ACAD10: variants seen among roughly 807,000 people sequenced by gnomAD.
ACAD10 encodes the protein acyl-CoA dehydrogenase family member 10.
A neutral mutation model predicts 116.8 loss-of-function variants in ACAD10; 112 were observed. The observed-to-expected ratio is 0.96, with a 90% CI of 0.82 to 1.12. The LOEUF is 1.12. Ranked by LOEUF, ACAD10 falls within the 50% of genes most tolerant of loss-of-function variation. The pLI, the probability that ACAD10 is intolerant of heterozygous loss-of-function variation, is 0.00. For synonymous variants in ACAD10, 486 were observed against 510.6 expected, an observed-to-expected ratio of 0.95 and a Z score of 0.65; for missense variants, 1,259 against 1,350.2, an observed-to-expected ratio of 0.93 and a Z score of 1.06.
Position 111,749,340 on chromosome 12 carries a change from G to T in ACAD10, c.2812G>T (p.Ala938Ser). The change falls in exon 18 of 21, where the codon GCC becomes TCC. Residue 938 changes from alanine (A) to serine (S), a missense_variant. By Grantham distance (99) the Ala-to-Ser change is moderately conservative (BLOSUM62 1). Transcript: ENST00000313698. The part of the protein sequence containing the change: ...FSERALALMK[A>S]RVKSRLAFGK... ...AGAGAGGGCCCTGGCACTCATGAAG[G>T]CCCGCGTGAGTGCTTTCCCCCGCAC... The T allele has an allele frequency of 6.2e-7, 1 of 1,611,942 alleles. No individual in the cohort carries two copies. The highest frequency in any genetic ancestry group is 1.1e-5 in the South Asian group (1 of 91,052).
intron 8 of ACAD10, 24 bp downstream of exon 8, chr12:111,721,763 T>C: frequency 3.8e-6 from 6 of 1,572,596 alleles, no homozygotes; most frequent in Non-Finnish European, 5.2e-6. Context: ...GTTTTTGCTA[T>C]TGCACTTTCA....
At chr12:111,755,794 G>A in intron 20 of ACAD10, 49 bp downstream of exon 20, 1 of 1,568,426 alleles carries the variant, frequency 6.4e-7, no homozygotes, top group Non-Finnish European at 8.8e-7. Flanking sequence ...AATACTAGAT[G>A]CCAAACTCTC....
intron 5 of ACAD10, among the ~76,000 whole-genome samples, chr12:111,711,755 ACC>A (rs1260707743): frequency 3.5e-5 from 5 of 144,596 alleles, no homozygotes; most frequent in Middle Eastern, 4.2e-3. Flanking sequence ...CTCGTGATCC[ACC>A]CGCCTTGGCT....
intron 8 of ACAD10, among the ~76,000 whole-genome samples, chr12:111,722,999 G>C (rs1460806731): frequency 4.6e-4 from 61 of 132,858 alleles, no homozygotes; most frequent in Middle Eastern, 4.8e-3. Context: ...GACGGGGCGG[G>C]TGGCCGGGCG....
At chr12:111,698,631 C>T (rs1888258903) in intron 2 of ACAD10, among the ~76,000 whole-genome samples, 1 of 151,866 alleles carries the variant, frequency 6.6e-6, no homozygotes, top group Admixed American at 6.6e-5. Context: ...GCATGCACCA[C>T]CACCCCTGGC....
At chr12:111,723,899 C>T (rs1477101149) in intron 8 of ACAD10, among the ~76,000 whole-genome samples, 16 of 147,522 alleles carry the variant, frequency 1.1e-4, no homozygotes, top group Non-Finnish European at 1.5e-5. Context: ...CGCTCCTCAC[C>T]TCCCAGACGG....
chr12:111,747,665 T>A, intron 16 of ACAD10: 1 of 1,236,130 alleles, frequency 8.1e-7, no homozygotes, highest in Non-Finnish European at 1.0e-6. Context: ...CTCCACTTCC[T>A]GCTGTTCATT....
At chr12:111,693,125 C>T (rs1450066190) in intron 2 of ACAD10, 1 of 541,448 alleles carries the variant, frequency 1.8e-6, no homozygotes, top group African/African-American at 1.9e-5. Flanking sequence ...ATGGTAGTGC[C>T]TTCCTCCTTG....
At chr12:111,714,278 A>G (rs1243227645) in intron 6 of ACAD10, among the ~76,000 whole-genome samples, 1 of 151,744 alleles carries the variant, frequency 6.6e-6, no homozygotes, top group Non-Finnish European at 1.5e-5. Context: ...TGATTTTAAA[A>G]CGCAACAAAT....
intron 1 of ACAD10, among the ~76,000 whole-genome samples, chr12:111,691,585 A>G (rs1487303046): frequency 6.6e-6 from 1 of 151,474 alleles, no homozygotes; most frequent in Non-Finnish European, 1.5e-5. Flanking sequence ...TGCTGCAGAA[A>G]GGAATGAGAT....
intron 16 of ACAD10, chr12:111,747,717 C>T (rs961860702): frequency 8.7e-6 from 10 of 1,146,316 alleles, no homozygotes; most frequent in Admixed American, 4.1e-5. Flanking sequence ...TTCCTGGCTC[C>T]TCGATCAGGT....
At chr12:111,723,577 G>A (rs1714228626) in intron 8 of ACAD10, among the ~76,000 whole-genome samples, 1 of 140,752 alleles carries the variant, frequency 7.1e-6, no homozygotes, top group Admixed American at 6.8e-5. Context: ...CGGACGGGGT[G>A]GCTGGCCGGG....
Position 111,686,055 on chromosome 12 carries a change from T to G in ACAD10, c.-198T>G, listed in dbSNP as rs1453520246. The G allele has an allele frequency of 4.0e-6, 1 of 252,766 alleles. No individual in the cohort carries two copies. The highest frequency in any genetic ancestry group is 7.5e-6 in the Non-Finnish European group (1 of 132,452). 15.7% of individuals were successfully genotyped at this position (252,766 alleles called of 1,614,324 possible). A position where few individuals can be genotyped will look rare whatever the true frequency, so the allele number is the denominator to read the frequency against. ...GGGCGGCGTGGCAGGGGTCACCCAC[T>G]GCTCTTCCGGACGCAATTTTGAGGA... is the stretch of plus-strand genomic sequence containing the variant. On this transcript the variant is annotated 5_prime_UTR_variant, in exon 1 of 21. Transcript: ENST00000313698.
Position 111,729,964 on chromosome 12 carries a change from T to C in ACAD10, c.1394+8T>C, listed in dbSNP as rs1199761435. On this transcript the variant is annotated splice_region_variant and intron_variant, in intron 10 of 20. Transcript: ENST00000313698. ...GGTGCACGGGGACTTCAGGTAGATGTGGTGGCAGGGAGAGCTGAAAAATGA... is the reference window on the plus strand; with the variant it reads ...GGTGCACGGGGACTTCAGGTAGATGCGGTGGCAGGGAGAGCTGAAAAATGA... The C allele has an allele frequency of 6.2e-7, 1 of 1,612,468 alleles. No individual in the cohort carries two copies. Among genetic ancestry groups the C allele is most frequent in the Admixed American group, 1.7e-5 (1 of 59,812 alleles).
In ACAD10 at chr12:111,753,843, G is replaced by A. The variant is rs150401317; in HGVS notation, c.2889G>A (p.Ser963=). ...QGTVLADIAQ[S]RVEIEQARLL... is the part of the protein sequence containing the mutation. ...CAGTGCTGGCGGACATCGCGCAGTCGCGCGTGGAGATTGAGCAGGCACGGC... is the reference window on the plus strand; with the variant it reads ...CAGTGCTGGCGGACATCGCGCAGTCACGCGTGGAGATTGAGCAGGCACGGC... The change falls in exon 19 of 21, where the codon TCG becomes TCA. Residue 963 remains serine, a synonymous_variant. Transcript: ENST00000313698. 55 of 1,613,990 alleles carry A rather than the reference G, an allele frequency of 3.4e-5. No individual in the cohort carries two copies. Among genetic ancestry groups the A allele is most frequent in the Admixed American group, 6.7e-5 (4 of 60,032 alleles).
At chr12:111,701,572 C>T (rs531926012) in intron 2 of ACAD10, among the ~76,000 whole-genome samples, 34 of 152,196 alleles carry the variant, frequency 2.2e-4, no homozygotes, top group Middle Eastern at 3.4e-3. Context: ...GGCTGAGGCA[C>T]GAGAATCAGT....
At chr12:111,690,415 G>A (rs1445851865) in intron 1 of ACAD10, 6 of 152,046 alleles carry the variant, frequency 3.9e-5, no homozygotes, top group Non-Finnish European at 7.4e-5. Flanking sequence ...GGCATCGTGT[G>A]GGGGCTCAAA....
intron 8 of ACAD10, 145 bp from the exon 9 acceptor site, chr12:111,727,817 A>T: frequency 1.3e-6 from 1 of 768,628 alleles, no homozygotes; most frequent in Non-Finnish European, 2.1e-6. Context: ...TGAAAGGAAA[A>T]AGGAAGTATC....
chr12:111,737,182 T>A (rs1414723102), intron 12 of ACAD10, among the ~76,000 whole-genome samples, 178 bp downstream of exon 12: 1 of 152,178 alleles, frequency 6.6e-6, no homozygotes, highest in Non-Finnish European at 1.5e-5. Flanking sequence ...CAATATTTAT[T>A]TATTTATTAT....
Sources: allele counts gnomAD v4.1 joint callset (sites outside exome capture counted in the v4.1 genomes callset), GRCh38; gene constraint gnomAD v4.1.1; transcripts MANE v1.5; gene names NCBI Gene and HGNC (gene_info 2026-07-23, HGNC 2026-07-21).